Variants in EHBP1 observed in about 807,000 individuals in gnomAD.
The protein encoded by EHBP1 is EH domain-binding protein 1.
Under a neutral mutation model 144.0 loss-of-function variants are expected in EHBP1, and 55 were observed. That is an observed-to-expected ratio of 0.38 (90% CI 0.31 to 0.48). EHBP1 has a LOEUF of 0.48. Ranked by LOEUF, EHBP1 falls within the 20% of genes least tolerant of loss-of-function variation. The pLI is 0.98. For synonymous variants in EHBP1, 469 were observed against 472.7 expected (o/e 0.99, Z 0.10); for missense variants, 1,200 against 1,364.2 (o/e 0.88, Z 1.90).
chr2:62,993,459 T>A, intron 16 of EHBP1, 71 bp from the exon 17 acceptor site: 1 of 1,307,772 alleles, frequency 7.6e-7, no homozygotes. Flanking sequence ...TCAGTAAAAA[T>A]TGCCTTACTA....
At position 62,831,038 on chromosome 2, in the gene EHBP1, T is replaced by C. The variant is rs1221372376; in HGVS notation, c.514T>C (p.Leu172=). ...ATGTAGAGATGAAGACATGCAAAGTTTGGCTAGTTTGATGAGTATGAAGCA... is the reference window on the plus strand; with the variant it reads ...ATGTAGAGATGAAGACATGCAAAGTCTGGCTAGTTTGATGAGTATGAAGCA... The part of the protein sequence containing the change: ...GKATDEDMQS[L]ASLMSMKQAD... The change falls in exon 7 of 23, where the codon TTG becomes CTG. Residue 172 remains leucine (L), a synonymous_variant. Coordinates refer to ENST00000431489, the MANE Select transcript of EHBP1 (RefSeq NM_001142616.3). 6.2e-7 allele frequency: 1 copy of C among 1,612,928 alleles called. No individual in the cohort carries two copies. The highest frequency in any genetic ancestry group is 1.1e-5 in the South Asian group (1 of 90,864).
At chr2:62,833,872 A>G (rs926082312) in intron 7 of EHBP1, among the ~76,000 whole-genome samples, 5 of 152,246 alleles carry the variant, frequency 3.3e-5, no homozygotes, top group African/African-American at 7.2e-5. Context: ...TCTAGATGCC[A>G]TTAAGAATTT....
At chr2:62,731,385 AC>A (rs974281128) in intron 2 of EHBP1, among the ~76,000 whole-genome samples, 12 of 152,068 alleles carry the variant, frequency 7.9e-5, no homozygotes, top group Admixed American at 7.2e-4. Context: ...TTCCTTTCCA[AC>A]CTATATACCT....
chr2:62,936,715 G>A (rs1336902756), intron 10 of EHBP1, among the ~76,000 whole-genome samples: 1 of 151,902 alleles, frequency 6.6e-6, no homozygotes, highest in African/African-American at 2.4e-5. Context: ...AATCTTTCTA[G>A]CAGTAGAATA....
At chr2:62,812,297 C>T (rs1173698165) in intron 5 of EHBP1, among the ~76,000 whole-genome samples, 2 of 152,082 alleles carry the variant, frequency 1.3e-5, no homozygotes, top group Non-Finnish European at 2.9e-5. Flanking sequence ...AAAAAATGGA[C>T]TAAGACAGAA....
chr2:63,014,219 A>G (rs186236006), intron 19 of EHBP1, among the ~76,000 whole-genome samples: 234 of 152,318 alleles, frequency 1.5e-3, no homozygotes, highest in African/African-American at 5.3e-3. Flanking sequence ...TGTAAAGCAA[A>G]AAGCCTTTTA....
chr2:62,874,239 T>C (rs2050703187), intron 9 of EHBP1, 107 bp from the exon 10 acceptor site: 1 of 819,024 alleles, frequency 1.2e-6, no homozygotes, highest in Non-Finnish European at 1.8e-6. Context: ...CTGGTTTGGG[T>C]TTTATTTGAA....
chr2:62,679,497 C>A (rs1347615829), intron 1 of EHBP1, among the ~76,000 whole-genome samples: 1 of 152,040 alleles, frequency 6.6e-6, no homozygotes, highest in Non-Finnish European at 1.5e-5. Flanking sequence ...TTTTTGTTTG[C>A]CACCTATCTT....
intron 5 of EHBP1, among the ~76,000 whole-genome samples, chr2:62,805,446 G>C (rs2044366377): frequency 7.0e-6 from 1 of 143,824 alleles, no homozygotes; most frequent in Non-Finnish European, 1.5e-5. Flanking sequence ...GTATAGTCTT[G>C]TTCTTTATGT....
chr2:63,042,930 G>A (rs751285792), intron 21 of EHBP1, among the ~76,000 whole-genome samples: 17 of 151,764 alleles, frequency 1.1e-4, no homozygotes, highest in Non-Finnish European at 2.1e-4. Flanking sequence ...AAAGCTGTTA[G>A]CAAAATGGTT....
At chr2:62,987,772 TGAAA>T (rs2059258307) in intron 15 of EHBP1, among the ~76,000 whole-genome samples, 1 of 152,128 alleles carries the variant, frequency 6.6e-6, no homozygotes, top group Admixed American at 6.5e-5. Flanking sequence ...AATCCAATAG[TGAAA>T]GAGTGACTTA....
chr2:62,683,122 A>G (rs1303224395), intron 1 of EHBP1, among the ~76,000 whole-genome samples: 1 of 108,660 alleles, frequency 9.2e-6, no homozygotes, highest in Non-Finnish European at 1.8e-5. Context: ...GGAGGCAGCT[A>G]CTGTCAGAAC....
In EHBP1 at chr2:62,955,603, G is replaced by T. The variant is rs200265269; in HGVS notation, c.2403G>T (p.Ala801=). 1 of 1,612,328 alleles carries T rather than the reference G, an allele frequency of 6.2e-7. No individual in the cohort carries two copies. Residue 801 remains alanine, a synonymous_variant, in exon 14 of 23, where the codon GCG becomes GCT. Coordinates refer to ENST00000431489, the MANE Select transcript of EHBP1 (RefSeq NM_001142616.3). ...EQARRDAALK[A]GNKHNTNTAT... ...CAAGAAGAGATGCAGCCTTAAAGGC[G>T]GGGAATAAGCACAATACCAACACAG... is the stretch of plus-strand genomic sequence containing the variant.
In EHBP1 at chr2:62,890,985, C is replaced by T. The variant is rs192851973; in HGVS notation, c.1185+16453C>T. On this transcript the variant is annotated intron_variant, in intron 10 of 22. Transcript: ENST00000431489. ...ACAAGATCAGGAGTCTGACACCAGC[C>T]TGGCCAACATGGTGAAACCCCGTCT... 1.3e-4 allele frequency among the ~76,000 whole-genome samples: 20 copies of T among 152,140 alleles called. No homozygotes were observed. In the East Asian group the frequency reaches 3.9e-3, roughly 29 times the overall value.
intron 5 of EHBP1, among the ~76,000 whole-genome samples, chr2:62,792,493 A>G (rs946320629): frequency 1.3e-5 from 2 of 152,084 alleles, no homozygotes; most frequent in Non-Finnish European, 2.9e-5. Flanking sequence ...TGATTTCTGC[A>G]CTTAGAAGAA....
chr2:62,791,529 T>G (rs1302551899), intron 5 of EHBP1, among the ~76,000 whole-genome samples: 3 of 152,032 alleles, frequency 2.0e-5, no homozygotes, highest in South Asian at 2.1e-4. Flanking sequence ...TTGAATAATA[T>G]AAGAACATTT....
In EHBP1 at chr2:62,707,102, C is replaced by T. The variant is rs1248366191; in HGVS notation, c.-90C>T. On this transcript the variant is annotated 5_prime_UTR_variant, in exon 2 of 23. Transcript: ENST00000431489. The stretch of plus-strand genomic sequence containing the variant: ...TGTAGTTGAGTTTTTAAAAGACATA[C>T]ATGCAAAGTTCCTTTGCTTTGGACC... The T allele has an allele frequency of 2.1e-6, 2 of 941,598 alleles. No homozygotes were observed. Among genetic ancestry groups the T allele is most frequent in the Admixed American group, 1.8e-5 (1 of 55,536 alleles). The allele number at this position is 941,598 out of a possible 1,614,324, so 58.3% of individuals were successfully genotyped here.
intron 13 of EHBP1, among the ~76,000 whole-genome samples, chr2:62,955,201 CTG>C (rs1468570829): frequency 6.6e-6 from 1 of 151,996 alleles, no homozygotes. Flanking sequence ...TCAGATTATA[CTG>C]TGTTTATGAG....
intron 14 of EHBP1, among the ~76,000 whole-genome samples, chr2:62,961,649 C>A (rs2058006675): frequency 6.6e-6 from 1 of 152,154 alleles, no homozygotes; most frequent in Admixed American, 6.5e-5. Context: ...TATATAAGCA[C>A]AGACTTGAAG....
Sources: gnomAD v4.1 joint callset for allele counts (sites outside exome capture counted in the v4.1 genomes callset) on GRCh38, gnomAD v4.1.1 for gene constraint, MANE v1.5 for transcripts, NCBI Gene and HGNC (gene_info 2026-07-23, HGNC 2026-07-21) for gene names.